GRAMD4: variants seen among roughly 807,000 people sequenced by gnomAD.
The protein encoded by GRAMD4 is GRAM domain-containing protein 4.
Under a neutral mutation model 83.9 loss-of-function variants are expected in GRAMD4, and 25 were observed. That is an observed-to-expected ratio of 0.30 (90% CI 0.22 to 0.42). GRAMD4 has a LOEUF of 0.42. Ranked by LOEUF, GRAMD4 falls within the 10% of genes least tolerant of loss-of-function variation. The pLI, the probability that GRAMD4 is intolerant of heterozygous loss-of-function variation, is 1.00. For missense variants in GRAMD4, 593 were observed against 788.7 expected (o/e 0.75, Z 2.97); for synonymous variants, 336 against 320.9 (o/e 1.05, Z -0.50).
At chr22:46,604,160 C>G (rs929579297) in intron 1 of GRAMD4, among the ~76,000 whole-genome samples, 1 of 152,196 alleles carries the variant, frequency 6.6e-6, no homozygotes. Flanking sequence ...CTTTGAACTC[C>G]GCTGCTGCCC....
intron 1 of GRAMD4, among the ~76,000 whole-genome samples, chr22:46,599,362 G>A (rs374562895): frequency 4.0e-5 from 6 of 149,886 alleles, no homozygotes; most frequent in East Asian, 2.1e-4. Flanking sequence ...CTTGTTCCCC[G>A]GGCTAGAGTG....
chr22:46,623,784 C>CTT (rs35664381), intron 1 of GRAMD4, among the ~76,000 whole-genome samples: 27 of 133,350 alleles, frequency 2.0e-4, no homozygotes, highest in African/African-American at 6.9e-4. Context: ...GTCAAGCTGC[C>CTT]TTTTTTTTTT....
intron 1 of GRAMD4, among the ~76,000 whole-genome samples, chr22:46,607,912 C>A (rs558102398): frequency 5.3e-5 from 8 of 152,308 alleles, no homozygotes; most frequent in African/African-American, 1.9e-4. Flanking sequence ...GACTGCTCCT[C>A]TGAGCACCTT....
intron 10 of GRAMD4, among the ~76,000 whole-genome samples, chr22:46,667,652 G>A (rs139276705): frequency 6.6e-6 from 1 of 152,374 alleles, no homozygotes; most frequent in African/African-American, 2.4e-5. Context: ...CTTGCATGGA[G>A]CACCAGGGGT....
chr22:46,635,174 G>A (rs2081845967), intron 2 of GRAMD4, among the ~76,000 whole-genome samples: 1 of 145,172 alleles, frequency 6.9e-6, no homozygotes, highest in African/African-American at 2.6e-5. Context: ...CTCCTGTCCT[G>A]GGGAACCGTG....
intron 1 of GRAMD4, among the ~76,000 whole-genome samples, chr22:46,612,532 C>T (rs901214910): frequency 1.3e-5 from 2 of 152,214 alleles, no homozygotes; most frequent in Non-Finnish European, 2.9e-5. Context: ...TGCCAGCCCT[C>T]ATTCACCTGA....
At chr22:46,632,700 C>T (rs1185833607) in intron 2 of GRAMD4, among the ~76,000 whole-genome samples, 1 of 152,218 alleles carries the variant, frequency 6.6e-6, no homozygotes, top group African/African-American at 2.4e-5. Flanking sequence ...GCAGAGCCAG[C>T]CCTCACCACC....
At chr22:46,669,168 C>T (rs2082459971) in intron 13 of GRAMD4, among the ~76,000 whole-genome samples, 1 of 152,082 alleles carries the variant, frequency 6.6e-6, no homozygotes, top group South Asian at 2.1e-4. Context: ...CTGGAAGACC[C>T]AAGACCCAGG....
intron 3 of GRAMD4, among the ~76,000 whole-genome samples, chr22:46,639,897 G>T (rs1277275851): frequency 6.6e-6 from 1 of 152,042 alleles, no homozygotes; most frequent in Non-Finnish European, 1.5e-5. Flanking sequence ...TGGCCCGCAT[G>T]GGCTGCCGAC....
intron 14 of GRAMD4, among the ~76,000 whole-genome samples, chr22:46,673,445 TC>T (rs35763740): frequency 6.6e-6 from 1 of 152,218 alleles, no homozygotes; most frequent in South Asian, 2.1e-4. Flanking sequence ...GCCTCGGTGC[TC>T]CCTTCGGGGT....
At chr22:46,661,559 G>A (rs1036484189) in intron 5 of GRAMD4, 117 bp downstream of exon 5, 5 of 729,976 alleles carry the variant, frequency 6.8e-6, no homozygotes, top group African/African-American at 5.2e-5. Context: ...CCAGCAGGTG[G>A]GCAGGCGGCA....
At chr22:46,653,910 A>G (rs2147304273) in intron 3 of GRAMD4, among the ~76,000 whole-genome samples, 1 of 152,240 alleles carries the variant, frequency 6.6e-6, no homozygotes, top group African/African-American at 2.4e-5. Flanking sequence ...TTCCCACGTG[A>G]TAGAGTCACT....
chr22:46,661,577 G>T (rs1368869552), intron 5 of GRAMD4, 135 bp downstream of exon 5: 2 of 671,850 alleles, frequency 3.0e-6, no homozygotes, highest in African/African-American at 1.8e-5. Flanking sequence ...GCAGGTGCTG[G>T]TTCTGTGCCC....
intron 3 of GRAMD4, among the ~76,000 whole-genome samples, chr22:46,655,869 AC>A: frequency 6.6e-6 from 1 of 152,362 alleles, no homozygotes; most frequent in African/African-American, 2.4e-5. Context: ...CTGGGGAGGC[AC>A]CGGCTTCAGC....
chr22:46,584,901 G>T (rs888896429), intron 1 of GRAMD4, among the ~76,000 whole-genome samples: 1 of 152,230 alleles, frequency 6.6e-6, no homozygotes, highest in African/African-American at 2.4e-5. Context: ...AAAGGCTGCC[G>T]GCGGGACGCT....
intron 3 of GRAMD4, among the ~76,000 whole-genome samples, chr22:46,638,700 A>G (rs1395909894): frequency 6.6e-6 from 1 of 152,082 alleles, no homozygotes; most frequent in Non-Finnish European, 1.5e-5. Flanking sequence ...CCTGCCAGCA[A>G]CCCTGCTGTG....
At chr22:46,623,480 C>A (rs529330283) in intron 1 of GRAMD4, among the ~76,000 whole-genome samples, 1 of 152,124 alleles carries the variant, frequency 6.6e-6, no homozygotes, top group African/African-American at 2.4e-5. Flanking sequence ...CTCCGCCTCC[C>A]GGGTTCATGC....
chr22:46,627,565 G>A (rs1192288305), intron 2 of GRAMD4, among the ~76,000 whole-genome samples: 2 of 152,166 alleles, frequency 1.3e-5, no homozygotes, highest in Non-Finnish European at 2.9e-5. Context: ...GGTGGGGGGT[G>A]GGGCAGGGCC....
intron 13 of GRAMD4, among the ~76,000 whole-genome samples, chr22:46,669,473 A>G (rs961092588): frequency 4.6e-5 from 7 of 151,870 alleles, no homozygotes; most frequent in Non-Finnish European, 8.8e-5. Context: ...GCGCTCATCC[A>G]CTGCTGCCCA....
Sources: allele counts gnomAD v4.1 joint callset (sites outside exome capture counted in the v4.1 genomes callset), GRCh38; gene constraint gnomAD v4.1.1; transcripts MANE v1.5; gene names NCBI Gene and HGNC (gene_info 2026-07-23, HGNC 2026-07-21).